The following AKAP13 variants were observed in gnomAD, a reference collection of about 807,000 sequenced individuals.
The protein encoded by AKAP13 is A-kinase anchoring protein 13, also known as A-kinase anchor protein 13.
AKAP13 carries 80 observed loss-of-function variants against 264.5 expected under a neutral mutation model. The observed-to-expected ratio is 0.30, with a 90% CI of 0.25 to 0.36. The LOEUF (loss-of-function observed/expected upper bound fraction) is 0.36, where lower values mean the gene tolerates loss of function less well. AKAP13 is among the 10% of genes least tolerant of loss of function. The pLI, the probability that AKAP13 is intolerant of heterozygous loss-of-function variation, is 1.00. For synonymous variants in AKAP13, 1,380 were observed against 1,250.2 expected, an observed-to-expected ratio of 1.10 and a Z score of -2.19; for missense variants, 3,712 against 3,435.2, an observed-to-expected ratio of 1.08 and a Z score of -2.01.
At chr15:85,714,188 AT>A (rs2086787844) in intron 19 of AKAP13, among the ~76,000 whole-genome samples, 1 of 152,232 alleles carries the variant, frequency 6.6e-6, no homozygotes, top group Non-Finnish European at 1.5e-5. Flanking sequence ...AAAGGAAAAA[AT>A]GTTATTTTAA....
At chr15:85,445,155 A>G (rs947292873) in intron 1 of AKAP13, among the ~76,000 whole-genome samples, 1 of 152,202 alleles carries the variant, frequency 6.6e-6, no homozygotes, top group African/African-American at 2.4e-5. Context: ...GTTCTTTGGA[A>G]TGAATGTCCT....
intron 2 of AKAP13, among the ~76,000 whole-genome samples, chr15:85,489,513 C>G (rs923734472): frequency 6.6e-6 from 1 of 152,128 alleles, no homozygotes; most frequent in African/African-American, 2.4e-5. Flanking sequence ...TATGATGGCT[C>G]ATTGAGCAGG....
intron 5 of AKAP13, among the ~76,000 whole-genome samples, chr15:85,552,773 G>A (rs1420304092): frequency 1.3e-5 from 2 of 151,818 alleles, no homozygotes; most frequent in East Asian, 1.9e-4. Flanking sequence ...AACTACAGGC[G>A]TGTGCCACCA....
At chr15:85,683,866 A>G (rs1287738526) in intron 15 of AKAP13, among the ~76,000 whole-genome samples, 1 of 152,224 alleles carries the variant, frequency 6.6e-6, no homozygotes, top group Non-Finnish European at 1.5e-5. Flanking sequence ...TTTCTTGAAC[A>G]GGTAGATCAC....
Position 85,708,822 on chromosome 15 carries a change from A to G in AKAP13, c.5532+736A>G, listed in dbSNP as rs2086465202. ...GTGTGCTTCGTCAGTCACCAAACAC[A>G]GTTATCTAGTGCCATGACCTCAACC... is the stretch of plus-strand genomic sequence containing the variant. On this transcript the variant is annotated intron_variant, in intron 18 of 36. Transcript: ENST00000394518. The surrounding 1 kb of genome is among the most constrained non-coding windows in gnomAD (Gnocchi z 4.3). Among the ~76,000 whole-genome samples the G allele has an allele frequency of 6.6e-6, 1 of 152,138 alleles. No individual in the cohort carries two copies.
intron 1 of AKAP13, among the ~76,000 whole-genome samples, chr15:85,423,524 A>G (rs1338702058): frequency 6.6e-6 from 1 of 152,226 alleles, no homozygotes; most frequent in Non-Finnish European, 1.5e-5. Context: ...TCATATCTTC[A>G]GGCTCCACTT....
chr15:85,727,470 C>T lies in AKAP13; in HGVS notation c.7087+7C>T. 6.2e-7 allele frequency: 1 copy of T among 1,613,896 alleles called. No individual in the cohort carries two copies. The highest frequency in any genetic ancestry group is 1.1e-5 in the South Asian group (1 of 91,070). On this transcript the variant is annotated splice_region_variant and intron_variant, in intron 29 of 36. Transcript: ENST00000394518. The surrounding 1 kb of genome is among the most constrained non-coding windows in gnomAD (Gnocchi z 5.3). ...AGAGCCCGAGAATTAAAAGGTGAGG[C>T]ATTGCGAGTGGTCTGAGCCCCTTGT...
chr15:85,639,277 A>T, intron 8 of AKAP13, 97 bp from the exon 9 acceptor site: 1 of 870,608 alleles, frequency 1.1e-6, no homozygotes, highest in Non-Finnish European at 1.8e-6. Context: ...TTAAAGAAAA[A>T]GATAGGAATG....
rs151047636 is a variant in AKAP13, at chr15:85,729,834, G to A, written c.7088-679G>A. Among the ~76,000 whole-genome samples, 903 of 152,266 alleles carry A rather than the reference G, an allele frequency of 5.9e-3. 7 individuals are homozygous for A. Among genetic ancestry groups the A allele is most frequent in the African/African-American group, 0.02 (843 of 41,540 alleles). ...GCCTGTAATCCCAGCTCCTTAGGAG[G>A]CTGAGGCAGGAGAATCGCTTAATCA... On this transcript the variant is annotated intron_variant, in intron 29 of 36. Coordinates refer to ENST00000394518, the MANE Select transcript of AKAP13 (RefSeq NM_007200.5).
chr15:85,383,825 C>T (rs530208376), intron 1 of AKAP13, among the ~76,000 whole-genome samples: 1 of 152,236 alleles, frequency 6.6e-6, no homozygotes, highest in South Asian at 2.1e-4. Flanking sequence ...TTAGTCTTGG[C>T]AAATAAGTGT....
chr15:85,662,908 A>G (rs1229349165), intron 12 of AKAP13, among the ~76,000 whole-genome samples: 1 of 152,226 alleles, frequency 6.6e-6, no homozygotes, highest in Non-Finnish European at 1.5e-5. Flanking sequence ...TTTAATTACT[A>G]AAACATTTTC....
intron 2 of AKAP13, among the ~76,000 whole-genome samples, chr15:85,488,249 T>G (rs1445355078): frequency 6.6e-6 from 1 of 152,214 alleles, no homozygotes; most frequent in South Asian, 2.1e-4. Context: ...TTTTTAATGT[T>G]AAGGCAACCT....
At chr15:85,739,210 T>G (rs1333591243) in intron 33 of AKAP13, among the ~76,000 whole-genome samples, 1 of 152,234 alleles carries the variant, frequency 6.6e-6, no homozygotes, top group Admixed American at 6.5e-5. Flanking sequence ...CCAAAATGCT[T>G]TTGAAAGGAG....
intron 8 of AKAP13, among the ~76,000 whole-genome samples, chr15:85,608,194 A>G (rs773781770): frequency 3.3e-5 from 5 of 152,124 alleles, no homozygotes; most frequent in Non-Finnish European, 7.4e-5. Context: ...ATACATTTTT[A>G]TTTTATGTGG....
chr15:85,580,251 G>C lies in AKAP13; in HGVS notation c.2183G>C (p.Arg728Pro), dbSNP rs769651041. The change falls in exon 7 of 37, where the codon CGT (arginine) becomes CCT (proline). Residue 728 changes from arginine (R) to proline (P), a missense_variant. By Grantham distance (103) the Arg-to-Pro change is moderately radical (BLOSUM62 -2). Transcript: ENST00000394518. ...GACCCTGTAAGGGATACCCAGGAAC[G>C]TGCGGATTTTTGTCCTTTCAAAGTG... ...TSDPVRDTQE[R>P]ADFCPFKVVD... 1.2e-6 allele frequency: 2 copies of C among 1,614,186 alleles called. No homozygotes were observed. The highest frequency in any genetic ancestry group is 3.3e-5 in the Admixed American group (2 of 60,018).
In AKAP13 at chr15:85,582,105, C is replaced by A; in HGVS notation, c.4037C>A (p.Ala1346Glu). The change falls in exon 7 of 37, where the codon GCA (alanine) becomes GAA (glutamate). Residue 1346 changes from alanine to glutamate, a missense_variant and splice_region_variant. This residue lies in a region of AKAP13 where 2,759 missense variants were observed against 2,411.7 expected (regional missense o/e 1.14). Transcript: ENST00000394518. The stretch of plus-strand genomic sequence containing the variant: ...CCTGTCCAGGGGCCTGAGCCAGCAG[C>A]AGGTAAGCAAAACATAATACAAAAT... ...ILPVQGPEPA[A>E]EMPDVKAEDE... is the part of the protein sequence containing the mutation. 6.3e-7 allele frequency: 1 copy of A among 1,585,882 alleles called. No homozygotes were observed. The highest frequency in any genetic ancestry group is 8.6e-7 in the Non-Finnish European group (1 of 1,166,996).
intron 1 of AKAP13, among the ~76,000 whole-genome samples, chr15:85,477,358 C>G (rs2075201089): frequency 6.6e-6 from 1 of 151,730 alleles, no homozygotes; most frequent in South Asian, 2.1e-4. Flanking sequence ...ACTTCCAAGA[C>G]CCCTTCTACC....
At chr15:85,576,043 G>C (rs959058367) in intron 6 of AKAP13, among the ~76,000 whole-genome samples, 2 of 152,194 alleles carry the variant, frequency 1.3e-5, no homozygotes, top group Admixed American at 1.3e-4. Flanking sequence ...AGCAGTATTA[G>C]CAGTATTAAA....
intron 1 of AKAP13, among the ~76,000 whole-genome samples, chr15:85,404,714 T>A (rs942480511): frequency 1.3e-5 from 2 of 152,250 alleles, no homozygotes; most frequent in Non-Finnish European, 2.9e-5. Flanking sequence ...TTCCCTTTAC[T>A]GGGCTAGTGT....
Sources: gnomAD v4.1 joint callset for allele counts (sites outside exome capture counted in the v4.1 genomes callset) on GRCh38, gnomAD v4.1.1 for gene constraint, gnomAD v4.1.1 regional missense constraint, Gnocchi (gnomAD v3.1) non-coding constraint, MANE v1.5 for transcripts, NCBI Gene and HGNC (gene_info 2026-07-23, HGNC 2026-07-21) for gene names.